CHRM3: variants seen among roughly 807,000 people sequenced by gnomAD.
CHRM3 encodes the protein muscarinic acetylcholine receptor M3.
A neutral mutation model predicts 41.8 loss-of-function variants in CHRM3; 11 were observed. That is an observed-to-expected ratio of 0.26 (90% CI 0.17 to 0.44). CHRM3 has a LOEUF of 0.44. Among genes scored for constraint, CHRM3 ranks in the 20% least tolerant of loss-of-function variants. The probability of loss-of-function intolerance (pLI) is 1.00; values close to 1 mark genes in which losing one functional copy is unlikely to be tolerated. For missense variants in CHRM3, 571 were observed against 745.4 expected (o/e 0.77, Z 2.72); for synonymous variants, 297 against 301.4 (o/e 0.99, Z 0.15).
chr1:239,899,677 G>A (rs1679352201), intron 6 of CHRM3: 1 of 151,824 alleles, frequency 6.6e-6, no homozygotes. Flanking sequence ...CACGATATAA[G>A]TACACTAAGT....
At chr1:239,721,340 G>C (rs934912055) in intron 5 of CHRM3, among the ~76,000 whole-genome samples, 1 of 151,822 alleles carries the variant, frequency 6.6e-6, no homozygotes, top group Non-Finnish European at 1.5e-5. Flanking sequence ...CCAAGCTCAG[G>C]CAAAGTTACT....
At chr1:239,767,208 A>G (rs1328090633) in intron 5 of CHRM3, among the ~76,000 whole-genome samples, 1 of 152,202 alleles carries the variant, frequency 6.6e-6, no homozygotes, top group Non-Finnish European at 1.5e-5. Flanking sequence ...TTTTTTAAGT[A>G]AATGGATACT....
At chr1:239,532,787 T>C (rs571653668) in intron 2 of CHRM3, among the ~76,000 whole-genome samples, 5 of 152,312 alleles carry the variant, frequency 3.3e-5, no homozygotes, top group African/African-American at 1.2e-4. Context: ...TGAAGTTTAA[T>C]ATAATCTCTC....
intron 1 of CHRM3, among the ~76,000 whole-genome samples, chr1:239,395,827 A>T (rs1659431789): frequency 6.6e-6 from 1 of 152,174 alleles, no homozygotes; most frequent in African/African-American, 2.4e-5. Flanking sequence ...TTTTACACAG[A>T]TTACTGTTAT....
chr1:239,549,811 G>C (rs892615402), intron 3 of CHRM3, among the ~76,000 whole-genome samples: 7 of 151,784 alleles, frequency 4.6e-5, no homozygotes, highest in Non-Finnish European at 5.9e-5. Context: ...ATCAGACATG[G>C]GATATTCAGA....
At chr1:239,424,223 T>C (rs1260797886) in intron 1 of CHRM3, among the ~76,000 whole-genome samples, 2 of 152,158 alleles carry the variant, frequency 1.3e-5, no homozygotes. Context: ...GAGTGGTGTA[T>C]CCTCCTGGGT....
At chr1:239,818,644 C>T (rs1671789561) in intron 5 of CHRM3, among the ~76,000 whole-genome samples, 1 of 152,140 alleles carries the variant, frequency 6.6e-6, no homozygotes, top group Non-Finnish European at 1.5e-5. Context: ...TTCCCTGTGT[C>T]CAAATTTATG....
At chr1:239,751,902 A>G (rs1665863166) in intron 5 of CHRM3, among the ~76,000 whole-genome samples, 1 of 152,238 alleles carries the variant, frequency 6.6e-6, no homozygotes, top group African/African-American at 2.4e-5. Context: ...TTTTAAAGGC[A>G]TGTGAGAAGA....
chr1:239,831,186 A>G (rs2149098807), intron 6 of CHRM3, among the ~76,000 whole-genome samples: 1 of 152,288 alleles, frequency 6.6e-6, no homozygotes, highest in South Asian at 2.1e-4. Context: ...ACCAGTCAGG[A>G]GACGCTGACT....
chr1:239,782,652 C>G (rs1037456358), intron 5 of CHRM3, among the ~76,000 whole-genome samples: 2 of 151,946 alleles, frequency 1.3e-5, no homozygotes, highest in Non-Finnish European at 2.9e-5. Context: ...TTTCTATCTG[C>G]TTACTTTGGA....
intron 6 of CHRM3, among the ~76,000 whole-genome samples, chr1:239,903,569 A>G (rs1327699520): frequency 1.3e-5 from 2 of 152,198 alleles, no homozygotes; most frequent in African/African-American, 4.8e-5. Context: ...TAGCCCAGGC[A>G]ACAAAGGAAA....
intron 5 of CHRM3, among the ~76,000 whole-genome samples, chr1:239,726,212 AT>A (rs890711587): frequency 5.1e-4 from 78 of 152,022 alleles, no homozygotes; most frequent in African/African-American, 1.9e-3. Context: ...TGCTATTCTA[AT>A]TATTTTGTGT....
chr1:239,613,780 C>A (rs907544364), intron 3 of CHRM3, among the ~76,000 whole-genome samples: 2 of 152,112 alleles, frequency 1.3e-5, no homozygotes, highest in Admixed American at 1.3e-4. Flanking sequence ...CCTTCTGTGT[C>A]TCTGTTTCCT....
chr1:239,864,789 G>A (rs577604742), intron 6 of CHRM3, among the ~76,000 whole-genome samples: 108 of 152,152 alleles, frequency 7.1e-4, no homozygotes, highest in Admixed American at 1.2e-3. Flanking sequence ...CTATAGAATC[G>A]TGTGTAAATT....
At chr1:239,741,707 C>T (rs927210450) in intron 5 of CHRM3, among the ~76,000 whole-genome samples, 1 of 151,834 alleles carries the variant, frequency 6.6e-6, no homozygotes, top group Non-Finnish European at 1.5e-5. Context: ...TAACATGCAC[C>T]CACACTACAC....
At chr1:239,580,296 A>C (rs1034617811) in intron 3 of CHRM3, among the ~76,000 whole-genome samples, 2 of 148,544 alleles carry the variant, frequency 1.3e-5, no homozygotes, top group African/African-American at 4.9e-5. Context: ...ACACACACAC[A>C]CACACACACA....
At chr1:239,738,951 G>A (rs1664616576) in intron 5 of CHRM3, among the ~76,000 whole-genome samples, 1 of 152,218 alleles carries the variant, frequency 6.6e-6, no homozygotes, top group African/African-American at 2.4e-5. Flanking sequence ...TCTCTTCTGA[G>A]GTTGCTCCTG....
At chr1:239,587,170 C>A (rs987500796) in intron 3 of CHRM3, among the ~76,000 whole-genome samples, 1 of 152,158 alleles carries the variant, frequency 6.6e-6, no homozygotes, top group Non-Finnish European at 1.5e-5. Context: ...GGCAAGCAGG[C>A]CCCTGGCCTC....
At chr1:239,389,384 C>A (rs1369723276) in intron 1 of CHRM3, among the ~76,000 whole-genome samples, 2 of 152,144 alleles carry the variant, frequency 1.3e-5, no homozygotes, top group Non-Finnish European at 2.9e-5. Flanking sequence ...TAAAATGTCA[C>A]TTCAAAAGTA....
Sources: gnomAD v4.1 joint callset for allele counts (sites outside exome capture counted in the v4.1 genomes callset) on GRCh38, gnomAD v4.1.1 for gene constraint, MANE v1.5 for transcripts, NCBI Gene and HGNC (gene_info 2026-07-23, HGNC 2026-07-21) for gene names.